Variants in ESR1 observed in about 807,000 individuals in gnomAD.
The protein encoded by ESR1 is estrogen receptor.
ESR1 carries 12 observed loss-of-function variants against 52.7 expected under a neutral mutation model. The ratio of observed to expected loss-of-function variants is 0.23; its 90% CI spans 0.15 to 0.37. The LOEUF (loss-of-function observed/expected upper bound fraction) is 0.37. ESR1 is among the 10% of genes least tolerant of loss of function. The pLI, the probability that ESR1 is intolerant of heterozygous loss-of-function variation, is 1.00. For missense variants in ESR1, 584 were observed against 779.7 expected (o/e 0.75, Z 2.99); for synonymous variants, 305 against 316.8 (o/e 0.96, Z 0.39).
chr6:152,038,289 G>A (rs1033982916), intron 5 of ESR1, among the ~76,000 whole-genome samples: 17 of 152,160 alleles, frequency 1.1e-4, no homozygotes, highest in African/African-American at 4.1e-4. Context: ...TGATGACATG[G>A]TGCCCGCCCA....
chr6:151,747,776 T>A (rs539890411), intron 2 of ESR1, among the ~76,000 whole-genome samples: 19 of 152,194 alleles, frequency 1.2e-4, no homozygotes, highest in Non-Finnish European at 2.6e-4. Flanking sequence ...TAGTATAGTG[T>A]TTTCAAGGGT....
At chr6:151,760,234 C>T (rs1583164131) in intron 2 of ESR1, among the ~76,000 whole-genome samples, 1 of 152,136 alleles carries the variant, frequency 6.6e-6, no homozygotes, top group Non-Finnish European at 1.5e-5. Context: ...CTTTAACCTC[C>T]CTTGGGTCAC....
chr6:151,753,358 C>T (rs1784044355), intron 2 of ESR1, among the ~76,000 whole-genome samples: 1 of 150,574 alleles, frequency 6.6e-6, no homozygotes, highest in South Asian at 2.1e-4. Flanking sequence ...CTGACTCTCG[C>T]CCAGGCTGGA....
At chr6:151,955,434 G>T (rs549071682) in intron 4 of ESR1, among the ~76,000 whole-genome samples, 1 of 152,028 alleles carries the variant, frequency 6.6e-6, no homozygotes, top group Non-Finnish European at 1.5e-5. Context: ...AATACTTTCC[G>T]TAGCATATAT....
rs186695144 is a variant in ESR1, at chr6:151,927,746, C to G, written c.761-16427C>G. Among the ~76,000 whole-genome samples the G allele has an allele frequency of 1.9e-3, 292 of 151,396 alleles. 1 individual carries two copies. The highest frequency in any genetic ancestry group is 6.8e-3 in the African/African-American group (281 of 41,282). On this transcript the variant is annotated intron_variant, in intron 3 of 7. Coordinates refer to ENST00000206249, the MANE Select transcript of ESR1 (RefSeq NM_000125.4). The stretch of plus-strand genomic sequence containing the variant: ...GTCTCTCTTTTTTTTTTGCCAGAGT[C>G]TAACTCTGCCACCCAGGCTGGAGTG...
intron 2 of ESR1, among the ~76,000 whole-genome samples, chr6:151,869,465 C>T (rs773908919): frequency 9.2e-5 from 14 of 152,270 alleles, no homozygotes; most frequent in South Asian, 4.1e-4. Context: ...TTACTGAAAG[C>T]GGTTCATTGT....
chr6:151,698,795 A>G (rs989283805), intron 1 of ESR1, among the ~76,000 whole-genome samples: 2 of 152,186 alleles, frequency 1.3e-5, no homozygotes, highest in Non-Finnish European at 2.9e-5. Context: ...CCATGGTGGA[A>G]ATGCCTGGGC....
chr6:151,687,659 A>G (rs1004368256), upstream of ESR1, among the ~76,000 whole-genome samples: 16 of 152,150 alleles, frequency 1.1e-4, no homozygotes, highest in Non-Finnish European at 1.5e-5. Flanking sequence ...TTTCTGCTTT[A>G]CTGTGCTTGT....
chr6:151,662,798 G>C (rs999266927), intron 1 of ESR1, among the ~76,000 whole-genome samples: 2 of 152,204 alleles, frequency 1.3e-5, no homozygotes, highest in African/African-American at 2.4e-5. Context: ...AAGAGTTTTC[G>C]AAGTCTTTAG....
At chr6:151,775,605 G>A (rs1785901147) in intron 2 of ESR1, among the ~76,000 whole-genome samples, 1 of 151,990 alleles carries the variant, frequency 6.6e-6, no homozygotes, top group South Asian at 2.1e-4. Flanking sequence ...AAAATTAGCT[G>A]TGCCGTGGCG....
At chr6:151,977,290 G>C (rs762353192) in intron 4 of ESR1, among the ~76,000 whole-genome samples, 3 of 152,006 alleles carry the variant, frequency 2.0e-5, no homozygotes, top group Non-Finnish European at 4.4e-5. Flanking sequence ...ACCGAGAAAT[G>C]AACTCTGTGC....
At chr6:151,998,167 A>G (rs993723536) in intron 4 of ESR1, among the ~76,000 whole-genome samples, 3 of 152,128 alleles carry the variant, frequency 2.0e-5, no homozygotes, top group Non-Finnish European at 4.4e-5. Context: ...CTGTGTAGCT[A>G]GGACTGTTCT....
At chr6:151,841,212 CA>C (rs1562464010) in intron 1 of ESR1, among the ~76,000 whole-genome samples, 1 of 152,218 alleles carries the variant, frequency 6.6e-6, no homozygotes. Context: ...GAGGCCTTCT[CA>C]AGTCTCTTCA....
At chr6:151,869,831 A>T (rs1036877301) in intron 2 of ESR1, among the ~76,000 whole-genome samples, 2 of 152,228 alleles carry the variant, frequency 1.3e-5, no homozygotes, top group Non-Finnish European at 2.9e-5. Context: ...TAAAAGTAAG[A>T]TGTCTCTTGG....
At chr6:151,764,478 T>C (rs1393333654) in intron 2 of ESR1, among the ~76,000 whole-genome samples, 1 of 152,006 alleles carries the variant, frequency 6.6e-6, no homozygotes, top group African/African-American at 2.4e-5. Flanking sequence ...ACTGCGCTTG[T>C]CAGGACGGCC....
At chr6:151,873,335 G>A (rs1018360518) in intron 2 of ESR1, among the ~76,000 whole-genome samples, 2 of 152,114 alleles carry the variant, frequency 1.3e-5, no homozygotes, top group Non-Finnish European at 2.9e-5. Context: ...TCCTCATAAA[G>A]TTCCTAGGGG....
rs141657277 is a variant in ESR1, at chr6:152,054,135, C to A, written c.1236-6856C>A. ...CGCTGTCCCTCTCTCAAGTTTCAGA[C>A]CCACATTTTCAATTTTCTGTTGTCA... On this transcript the variant is annotated intron_variant, in intron 5 of 7. Transcript: ENST00000206249. Among the ~76,000 whole-genome samples the A allele has an allele frequency of 4.9e-3, 750 of 152,092 alleles. 5 individuals are homozygous for A. Among genetic ancestry groups the A allele is most frequent in the African/African-American group, 0.017 (717 of 41,502 alleles).
At chr6:151,809,821 T>A (rs1175603041) in intron 1 of ESR1, among the ~76,000 whole-genome samples, 4 of 152,098 alleles carry the variant, frequency 2.6e-5, no homozygotes, top group African/African-American at 9.7e-5. Flanking sequence ...TAATTTTACT[T>A]GTTTTAATTT....
At chr6:152,119,317 CA>C (rs1294836030) in intron 6 of ESR1, among the ~76,000 whole-genome samples, 1 of 152,140 alleles carries the variant, frequency 6.6e-6, no homozygotes, top group East Asian at 1.9e-4. Context: ...TCACTTCTTA[CA>C]AAAACAAGAG....
Sources: gnomAD v4.1 joint callset for allele counts (sites outside exome capture counted in the v4.1 genomes callset) on GRCh38, gnomAD v4.1.1 for gene constraint, MANE v1.5 for transcripts, NCBI Gene and HGNC (gene_info 2026-07-23, HGNC 2026-07-21) for gene names.